The following MYO1D variants were observed in gnomAD, a reference collection of about 807,000 sequenced individuals.
MYO1D encodes unconventional myosin-Id.
MYO1D carries 83 observed loss-of-function variants against 122.0 expected under a neutral mutation model. The observed-to-expected ratio is 0.68, with a 90% CI of 0.57 to 0.82. MYO1D has a LOEUF of 0.82. Among genes scored for constraint, MYO1D ranks in the 40% least tolerant of loss-of-function variants. The pLI is 0.00. For missense variants in MYO1D, 1,157 were observed against 1,269.5 expected (o/e 0.91, Z 1.35); for synonymous variants, 464 against 446.9 (o/e 1.04, Z -0.48).
chr17:32,686,992 C>T (rs1459080135), intron 16 of MYO1D, among the ~76,000 whole-genome samples: 1 of 126,648 alleles, frequency 7.9e-6, no homozygotes, highest in Non-Finnish European at 1.7e-5. Context: ...CACACACACA[C>T]ACACACACAC....
intron 16 of MYO1D, among the ~76,000 whole-genome samples, chr17:32,702,077 A>ATG: frequency 6.6e-6 from 1 of 152,310 alleles, no homozygotes; most frequent in South Asian, 2.1e-4. Flanking sequence ...TCCCCATAAC[A>ATG]TGCCTGCCAG....
intron 16 of MYO1D, among the ~76,000 whole-genome samples, chr17:32,700,176 T>C (rs574331977): frequency 6.6e-6 from 1 of 152,354 alleles, no homozygotes; most frequent in East Asian, 1.9e-4. Flanking sequence ...AGGACCAATT[T>C]CATGGAAGAC....
chr17:32,836,704 T>C (rs2090828163), intron 1 of MYO1D, among the ~76,000 whole-genome samples: 1 of 152,200 alleles, frequency 6.6e-6, no homozygotes, highest in Non-Finnish European at 1.5e-5. Context: ...TACCACAATT[T>C]AATTACATTA....
At chr17:32,559,995 G>A (rs1331637661) in intron 21 of MYO1D, among the ~76,000 whole-genome samples, 10 of 152,156 alleles carry the variant, frequency 6.6e-5, no homozygotes, top group South Asian at 2.1e-4. Context: ...GGTGGCTCAC[G>A]CCTGTAATCC....
In MYO1D at chr17:32,755,597, T is replaced by G; in HGVS notation, c.1362A>C (p.Ala454=). The change falls in exon 11 of 22, where the codon GCA becomes GCC. Residue 454 remains alanine, a synonymous_variant. Transcript: ENST00000318217. ...LVEQQHKGII[A]ILDDACMNVG... ...CATTCATGCAAGCATCATCAAGGAT[T>G]GCAATGATCCCTTTGTGCTGTTGCT... 1 of 1,613,926 alleles carries G rather than the reference T, an allele frequency of 6.2e-7. No individual in the cohort carries two copies.
chr17:32,639,157 T>C (rs1164860213), intron 19 of MYO1D, among the ~76,000 whole-genome samples: 1 of 152,112 alleles, frequency 6.6e-6, no homozygotes, highest in African/African-American at 2.4e-5. Context: ...AAGGGACTTG[T>C]ATCTGGACTA....
intron 16 of MYO1D, among the ~76,000 whole-genome samples, chr17:32,662,765 C>T (rs535418905): frequency 6.6e-6 from 1 of 152,102 alleles, no homozygotes; most frequent in African/African-American, 2.4e-5. Context: ...ATGGTGCTTA[C>T]CTTGTAGTGT....
At chr17:32,636,833 C>T (rs1224949901) in intron 20 of MYO1D, among the ~76,000 whole-genome samples, 1 of 152,184 alleles carries the variant, frequency 6.6e-6, no homozygotes, top group Non-Finnish European at 1.5e-5. Context: ...GCAGGTTTGG[C>T]AGCCTGAGGG....
intron 21 of MYO1D, among the ~76,000 whole-genome samples, chr17:32,599,379 A>G (rs1398700196): frequency 1.3e-5 from 2 of 152,160 alleles, no homozygotes; most frequent in Non-Finnish European, 2.9e-5. Flanking sequence ...TTCAGGCTCC[A>G]CTTCCAATTC....
intron 21 of MYO1D, chr17:32,498,560 C>G (rs1054288513): frequency 6.6e-6 from 1 of 152,226 alleles, no homozygotes; most frequent in African/African-American, 2.4e-5. Flanking sequence ...GAAACCCGAG[C>G]TGGGAGCCAG....
At chr17:32,825,968 C>T (rs956211989) in intron 1 of MYO1D, among the ~76,000 whole-genome samples, 1 of 149,638 alleles carries the variant, frequency 6.7e-6, no homozygotes, top group African/African-American at 2.5e-5. Context: ...AGGATTGCCT[C>T]AGCCCAGGAG....
At chr17:32,758,050 A>G (rs928599537) in intron 10 of MYO1D, among the ~76,000 whole-genome samples, 4 of 152,182 alleles carry the variant, frequency 2.6e-5, no homozygotes, top group Admixed American at 2.6e-4. Context: ...GTTCACACAC[A>G]GTCTATGAAA....
chr17:32,828,508 TC>T (rs1055619572), intron 1 of MYO1D, among the ~76,000 whole-genome samples: 6 of 86,320 alleles, frequency 7.0e-5, no homozygotes, highest in African/African-American at 2.9e-4. Flanking sequence ...AGAGCGAGAC[TC>T]CGTCTCAAAA....
At chr17:32,537,369 GC>G (rs1257333854) in intron 21 of MYO1D, among the ~76,000 whole-genome samples, 2 of 152,162 alleles carry the variant, frequency 1.3e-5, no homozygotes, top group African/African-American at 2.4e-5. Flanking sequence ...GTCCGTGGCT[GC>G]TTTTGTGACA....
intron 7 of MYO1D, 84 bp downstream of exon 7, chr17:32,767,552 T>A (rs774179186): frequency 2.3e-6 from 2 of 870,560 alleles, no homozygotes; most frequent in Non-Finnish European, 3.5e-6. Flanking sequence ...ACTTTTTAAA[T>A]CTACAGGGAA....
chr17:32,776,960 G>A (rs934268622), intron 3 of MYO1D, among the ~76,000 whole-genome samples: 4 of 152,208 alleles, frequency 2.6e-5, no homozygotes, highest in East Asian at 1.9e-4. Context: ...TGTTACTCCC[G>A]CTAATACTGG....
chr17:32,712,617 C>T (rs957897760), intron 15 of MYO1D, among the ~76,000 whole-genome samples: 1 of 152,140 alleles, frequency 6.6e-6, no homozygotes, highest in African/African-American at 2.4e-5. Flanking sequence ...AAAATGGATA[C>T]TACTTATGTA....
chr17:32,834,266 G>C (rs982334255), intron 1 of MYO1D, among the ~76,000 whole-genome samples: 1 of 152,160 alleles, frequency 6.6e-6, no homozygotes, highest in Non-Finnish European at 1.5e-5. Flanking sequence ...ATAACAAATT[G>C]CTCATTCATT....
chr17:32,669,895 C>CTTT (rs151075296), intron 16 of MYO1D, among the ~76,000 whole-genome samples: 6 of 143,834 alleles, frequency 4.2e-5, no homozygotes, highest in Admixed American at 6.9e-5. Context: ...TTTTCTTTTT[C>CTTT]TTTTTTCTTT....
Sources: allele counts gnomAD v4.1 joint callset (sites outside exome capture counted in the v4.1 genomes callset), GRCh38; gene constraint gnomAD v4.1.1; transcripts MANE v1.5; gene names NCBI Gene and HGNC (gene_info 2026-07-23, HGNC 2026-07-21).